GALNTL6: variants seen among roughly 807,000 people sequenced by gnomAD.
GALNTL6 encodes polypeptide N-acetylgalactosaminyltransferase like 6.
In GALNTL6, 46 loss-of-function variants were observed where a neutral mutation model predicts 73.7. The ratio of observed to expected loss-of-function variants is 0.62; its 90% CI spans 0.49 to 0.80. The LOEUF is 0.80. Among genes scored for constraint, GALNTL6 ranks in the 30% least tolerant of loss-of-function variants. GALNTL6 has a pLI of 0.00. For synonymous variants in GALNTL6, 259 were observed against 263.7 expected, an observed-to-expected ratio of 0.98 and a Z score of 0.17; for missense variants, 604 against 755.0, an observed-to-expected ratio of 0.80 and a Z score of 2.34.
intron 10 of GALNTL6, among the ~76,000 whole-genome samples, chr4:172,970,956 G>T (rs1243349560): frequency 1.3e-5 from 2 of 152,170 alleles, no homozygotes; most frequent in African/African-American, 4.8e-5. Flanking sequence ...AGTAAAGACG[G>T]GGTAAGAAAT....
intron 2 of GALNTL6, among the ~76,000 whole-genome samples, chr4:171,903,712 C>G (rs545532605): frequency 0.022 from 3,283 of 151,824 alleles, 93 homozygotes; most frequent in African/African-American, 0.07. Context: ...AACAAAAAGA[C>G]AGCAGTAACT....
rs72698938 is a variant in GALNTL6 at position 172,020,136 on chromosome 4, A to G, written c.138+205418A>G. Among the ~76,000 whole-genome samples, 793 of 152,202 alleles carry G rather than the reference A, an allele frequency of 5.2e-3. 3 individuals are homozygous for G. The highest frequency in any genetic ancestry group is 8.4e-3 in the Admixed American group (128 of 15,264). On this transcript the variant is annotated intron_variant, in intron 2 of 12. Transcript: ENST00000506823. The stretch of plus-strand genomic sequence containing the variant: ...AAACCAATGAAAATGGAAATACAAC[A>G]TACCAAAACTTATGGGATACAATAA...
In GALNTL6 at chr4:172,000,554, G is replaced by C. The variant is rs7692623; in HGVS notation, c.138+185836G>C. Among the ~76,000 whole-genome samples, 1,288 of 152,288 alleles carry C rather than the reference G, an allele frequency of 8.5e-3. 22 individuals carry two copies. Among genetic ancestry groups the C allele is most frequent in the African/African-American group, 0.029 (1,198 of 41,578 alleles). On this transcript the variant is annotated intron_variant, in intron 2 of 12. Coordinates refer to ENST00000506823, the MANE Select transcript of GALNTL6 (RefSeq NM_001034845.3). ...CTCAAAGCTTGCCGAAGCAGGGAAA[G>C]GTGGGAAGCTGTCTGTGCTCTGTGC...
intron 2 of GALNTL6, among the ~76,000 whole-genome samples, chr4:171,910,592 G>A (rs1017286115): frequency 1.5e-4 from 22 of 151,558 alleles, no homozygotes; most frequent in African/African-American, 5.3e-4. Context: ...ATCAGTTTAT[G>A]TTACAGTGGA....
chr4:172,011,511 C>G (rs1232737372), intron 2 of GALNTL6, among the ~76,000 whole-genome samples: 1 of 151,998 alleles, frequency 6.6e-6, no homozygotes, highest in Non-Finnish European at 1.5e-5. Flanking sequence ...TAAGAATAGG[C>G]ATTATACTGG....
chr4:172,420,446 T>G (rs928324568), intron 5 of GALNTL6, among the ~76,000 whole-genome samples: 1 of 152,162 alleles, frequency 6.6e-6, no homozygotes, highest in Non-Finnish European at 1.5e-5. Flanking sequence ...AGCAGGAAGT[T>G]AAAGGGGAAT....
chr4:172,161,757 G>C (rs1280547045), intron 2 of GALNTL6, among the ~76,000 whole-genome samples: 2 of 151,958 alleles, frequency 1.3e-5, no homozygotes, highest in Non-Finnish European at 2.9e-5. Context: ...TTAAATAATA[G>C]ATAAATGTGA....
chr4:172,316,598 CT>C (rs1241186656), intron 4 of GALNTL6, among the ~76,000 whole-genome samples: 2 of 152,154 alleles, frequency 1.3e-5, no homozygotes, highest in African/African-American at 4.8e-5. Context: ...TCTTTACAAC[CT>C]TTTGGATTAT....
intron 5 of GALNTL6, among the ~76,000 whole-genome samples, chr4:172,360,869 C>A (rs1742340369): frequency 6.6e-6 from 1 of 152,118 alleles, no homozygotes; most frequent in East Asian, 1.9e-4. Context: ...GATAGGAAGT[C>A]TAATGTGTGA....
intron 5 of GALNTL6, among the ~76,000 whole-genome samples, chr4:172,578,922 C>T (rs1737060756): frequency 6.6e-6 from 1 of 152,114 alleles, no homozygotes; most frequent in Admixed American, 6.5e-5. Context: ...AAGTTACCTC[C>T]TGGAAGAAGA....
At chr4:171,818,864 T>C (rs970674736) in intron 2 of GALNTL6, among the ~76,000 whole-genome samples, 1 of 152,060 alleles carries the variant, frequency 6.6e-6, no homozygotes, top group Non-Finnish European at 1.5e-5. Flanking sequence ...CTAATGTTAA[T>C]CAGCCCTACA....
At chr4:172,314,004 A>G (rs1039051564) in intron 4 of GALNTL6, among the ~76,000 whole-genome samples, 2 of 152,212 alleles carry the variant, frequency 1.3e-5, no homozygotes, top group African/African-American at 4.8e-5. Context: ...AATGTCTTAC[A>G]GGCTCCCACT....
At chr4:172,704,417 AT>A (rs1329364029) in intron 5 of GALNTL6, among the ~76,000 whole-genome samples, 119 of 151,706 alleles carry the variant, frequency 7.8e-4, no homozygotes, top group South Asian at 2.1e-4. Flanking sequence ...GTTTCAAAAC[AT>A]TTTTTTTAAT....
At chr4:172,512,081 A>G (rs1734450779) in intron 5 of GALNTL6, among the ~76,000 whole-genome samples, 1 of 54,728 alleles carries the variant, frequency 1.8e-5, no homozygotes, top group African/African-American at 4.5e-5. Context: ...CTCATTTCTT[A>G]TGTCTAGTAG....
chr4:172,603,799 A>C (rs1368218414), intron 5 of GALNTL6, among the ~76,000 whole-genome samples: 1 of 152,166 alleles, frequency 6.6e-6, no homozygotes, highest in Non-Finnish European at 1.5e-5. Context: ...GGCATGACTC[A>C]TTATTCATCT....
intron 2 of GALNTL6, among the ~76,000 whole-genome samples, chr4:172,203,736 A>C (rs962797960): frequency 1.3e-5 from 2 of 152,066 alleles, no homozygotes; most frequent in African/African-American, 4.8e-5. Flanking sequence ...GCATCTTGAC[A>C]GATTTTTTTT....
At chr4:172,140,343 C>A (rs1355635613) in intron 2 of GALNTL6, among the ~76,000 whole-genome samples, 2 of 151,984 alleles carry the variant, frequency 1.3e-5, no homozygotes, top group African/African-American at 4.8e-5. Context: ...TTTTGTAAGA[C>A]ATCCAGAAAT....
At chr4:171,874,777 T>C (rs1039707740) in intron 2 of GALNTL6, among the ~76,000 whole-genome samples, 1 of 152,226 alleles carries the variant, frequency 6.6e-6, no homozygotes, top group African/African-American at 2.4e-5. Context: ...TTTCTCATTC[T>C]GTAAGAAGCC....
intron 5 of GALNTL6, among the ~76,000 whole-genome samples, chr4:172,373,958 G>A (rs955354315): frequency 6.6e-6 from 1 of 152,134 alleles, no homozygotes; most frequent in African/African-American, 2.4e-5. Context: ...ACATAGCCAG[G>A]GCTCAGTGAG....
Sources: allele counts gnomAD v4.1 joint callset (sites outside exome capture counted in the v4.1 genomes callset), GRCh38; gene constraint gnomAD v4.1.1; transcripts MANE v1.5; gene names NCBI Gene and HGNC (gene_info 2026-07-23, HGNC 2026-07-21).